HES1: variants seen among roughly 807,000 people sequenced by gnomAD.
HES1 encodes transcription factor HES-1.
In HES1, 7 loss-of-function variants were observed where a neutral mutation model predicts 21.0. That is an observed-to-expected ratio of 0.33 (90% confidence interval 0.19 to 0.63). The LOEUF (loss-of-function observed/expected upper bound fraction) is 0.63, where lower values mean the gene tolerates loss of function less well. Among genes scored for constraint, HES1 ranks in the 20% least tolerant of loss-of-function variants. The pLI, the probability that HES1 is intolerant of heterozygous loss-of-function variation, is 0.78. For missense variants in HES1, 338 were observed against 389.8 expected (o/e 0.87, Z 1.12); for synonymous variants, 169 against 171.2 (o/e 0.99, Z 0.10).
chr3:194,137,019 T>A lies in HES1; in HGVS notation c.263T>A (p.Leu88His), dbSNP rs1292821922. Residue 88 changes from leucine (L) to histidine (H), a missense_variant, in exon 3 of 4, where the codon CTC becomes CAC. By Grantham distance (99) the Leu-to-His change is moderately conservative (BLOSUM62 -3). Coordinates refer to ENST00000232424, the MANE Select transcript of HES1 (RefSeq NM_005524.4). The surrounding 1 kb of genome is among the most constrained non-coding windows in gnomAD (Gnocchi z 5.4). Reference protein sequence around the residue: ...ADILEMTVKHLRNLQRAQMTA... With the variant: ...ADILEMTVKHHRNLQRAQMTA... ...ATTCTGGAAATGACAGTGAAGCACCTCCGGAACCTGCAGCGGGCGCAGATG... is the reference window on the plus strand; with the variant it reads ...ATTCTGGAAATGACAGTGAAGCACCACCGGAACCTGCAGCGGGCGCAGATG... 1 of 1,614,208 alleles carries A rather than the reference T, an allele frequency of 6.2e-7. No individual in the cohort carries two copies. The highest frequency in any genetic ancestry group is 1.1e-5 in the South Asian group (1 of 91,088).
chr3:194,136,485 A>T lies in HES1; in HGVS notation c.105A>T (p.Arg35Ser). Residue 35 changes from arginine to serine, a missense_variant, in exon 1 of 4, where the codon AGA (arginine) becomes AGT (serine). Coordinates refer to ENST00000232424, the MANE Select transcript of HES1 (RefSeq NM_005524.4). ...PDKPKTASEHRKSSKPIMEKR... is the reference protein window; with the variant it reads ...PDKPKTASEHSKSSKPIMEKR... ...AACCAAAGACAGCATCTGAGCACAG[A>T]AAGGTAAGGGCGGTACCTGTATCTC... 6.2e-7 allele frequency: 1 copy of T among 1,607,292 alleles called. No individual in the cohort carries two copies. Among genetic ancestry groups the T allele is most frequent in the Admixed American group, 1.7e-5 (1 of 58,700 alleles).
Position 194,136,410 on chromosome 3 carries a change from C to T in HES1, c.30C>T (p.Ser10=), listed in dbSNP as rs1244151677. The change falls in exon 1 of 4, where the codon TCC becomes TCT. Residue 10 remains serine, a synonymous_variant. Transcript: ENST00000232424. ...CAGCTGATATAATGGAGAAAAATTCCTCGTCCCCGGTGGCTGCTACCCCAG... is the reference window on the plus strand; with the variant it reads ...CAGCTGATATAATGGAGAAAAATTCTTCGTCCCCGGTGGCTGCTACCCCAG... MPADIMEKN[S]SSPVAATPAS... is the part of the protein sequence containing the mutation. 4 of 1,602,762 alleles carry T rather than the reference C, an allele frequency of 2.5e-6. No individual in the cohort carries two copies. Among genetic ancestry groups the T allele is most frequent in the Non-Finnish European group, 3.4e-6 (4 of 1,175,738 alleles).
At chr3:194,136,926 G>A in intron 2 of HES1, 35 bp from the exon 3 acceptor site, 1 of 1,594,804 alleles carries the variant, frequency 6.3e-7, no homozygotes, top group Non-Finnish European at 8.6e-7. Context: ...CAGCTGACAC[G>A]GGGCTCACTT....
At position 194,138,249 on chromosome 3, in the gene HES1, C is replaced by G; in HGVS notation, c.*16C>G. ...GCGGAACTGAGGGGGCTCAGGCCAC[C>G]CCTCCTCCTAAACTCCCCAACCCAC... On this transcript the variant is annotated 3_prime_UTR_variant, in exon 4 of 4. Transcript: ENST00000232424. 6.5e-7 allele frequency: 1 copy of G among 1,531,944 alleles called. No homozygotes were observed. Among genetic ancestry groups the G allele is most frequent in the Non-Finnish European group, 8.8e-7 (1 of 1,139,908 alleles). The allele number at this position is 1,531,944 out of a possible 1,614,324, so 94.9% of individuals were successfully genotyped here. A position where few individuals can be genotyped will look rare whatever the true frequency, so the allele number is the denominator to read the frequency against.
Position 194,137,667 on chromosome 3 carries a change from T to C in HES1, c.293-16T>C. Reference sequence around the variant, plus strand: ...AGGGCCGTTCGGTGACCCGTCTGTCTCTTTCTGGCCCGCAGCTGCGCTGAG... The same window carrying C: ...AGGGCCGTTCGGTGACCCGTCTGTCCCTTTCTGGCCCGCAGCTGCGCTGAG... On this transcript the variant is annotated splice_polypyrimidine_tract_variant and intron_variant, in intron 3 of 3. Transcript: ENST00000232424. The surrounding 1 kb of genome is among the most constrained non-coding windows in gnomAD (Gnocchi z 5.4). The C allele has an allele frequency of 6.4e-7, 1 of 1,562,764 alleles. No homozygotes were observed. Among genetic ancestry groups the C allele is most frequent in the Non-Finnish European group, 8.7e-7 (1 of 1,149,990 alleles).
chr3:194,136,350 C>T lies in HES1; in HGVS notation c.-31C>T, dbSNP rs763999161. 2.3e-6 allele frequency: 3 copies of T among 1,285,092 alleles called. No homozygotes were observed. The highest frequency in any genetic ancestry group is 2.5e-5 in the Admixed American group (1 of 39,434). 79.6% of individuals were successfully genotyped at this position (1,285,092 alleles called of 1,614,324 possible). A position where few individuals can be genotyped will look rare whatever the true frequency, so the allele number is the denominator to read the frequency against. On this transcript the variant is annotated 5_prime_UTR_variant, in exon 1 of 4. Coordinates refer to ENST00000232424, the MANE Select transcript of HES1 (RefSeq NM_005524.4). The stretch of plus-strand genomic sequence containing the variant: ...CGTGAAGAACTCCAAAAATAAAATT[C>T]TCTAGAGATAAAAAAAAAAAAAAAA...
Position 194,138,200 on chromosome 3 carries a change from G to A in HES1, c.810G>A (p.Thr270=). ...CACCTTCCAGCGGCCCCTCGCTTACGGCGGACTCCATGTGGAGGCCGTGGC... is the reference window on the plus strand; with the variant it reads ...CACCTTCCAGCGGCCCCTCGCTTACAGCGGACTCCATGTGGAGGCCGTGGC... ...AVSPSSGPSL[T]ADSMWRPWRN Residue 270 remains threonine, a synonymous_variant, in exon 4 of 4, where the codon ACG becomes ACA. Coordinates refer to ENST00000232424, the MANE Select transcript of HES1 (RefSeq NM_005524.4). 3 of 1,594,216 alleles carry A rather than the reference G, an allele frequency of 1.9e-6. No individual in the cohort carries two copies. Among genetic ancestry groups the A allele is most frequent in the Non-Finnish European group, 2.6e-6 (3 of 1,171,536 alleles).
intron 1 of HES1, 63 bp from the exon 2 acceptor site, chr3:194,136,554 C>A: frequency 6.4e-7 from 1 of 1,563,104 alleles, no homozygotes; most frequent in Non-Finnish European, 8.7e-7. Context: ...GGGCTTCTTT[C>A]TGTCTTGAAA....
Position 194,138,418 on chromosome 3 carries a change from C to G in HES1, c.*185C>G, listed in dbSNP as rs1715401979. On this transcript the variant is annotated 3_prime_UTR_variant, in exon 4 of 4. Transcript: ENST00000232424. ...GCTGTATTAAGTGACTGACCATGCA[C>G]TATATTTGTATATATTTTATATGTT... The G allele has an allele frequency of 2.1e-6, 1 of 468,156 alleles. No individual in the cohort carries two copies. The highest frequency in any genetic ancestry group is 4.3e-5 in the Admixed American group (1 of 23,468). The allele number at this position is 468,156 out of a possible 1,614,324, so 29.0% of individuals were successfully genotyped here.
rs983162843 is a variant in HES1, at chr3:194,138,434, T to C, written c.*201T>C. ...GACCATGCACTATATTTGTATATATTTTATATGTTCATATTGGATTGCGCC... is the reference window on the plus strand; with the variant it reads ...GACCATGCACTATATTTGTATATATCTTATATGTTCATATTGGATTGCGCC... On this transcript the variant is annotated 3_prime_UTR_variant, in exon 4 of 4. Transcript: ENST00000232424. The C allele has an allele frequency of 3.5e-5, 15 of 429,146 alleles. No individual in the cohort carries two copies. Among genetic ancestry groups the C allele is most frequent in the Non-Finnish European group, 4.8e-5 (12 of 252,422 alleles). The allele number at this position is 429,146 out of a possible 1,614,324, so 26.6% of individuals were successfully genotyped here.
In HES1 at chr3:194,137,907, C is replaced by A. The variant is rs1305411408; in HGVS notation, c.517C>A (p.Pro173Thr). 7.0e-7 allele frequency: 1 copy of A among 1,428,444 alleles called. No homozygotes were observed. The highest frequency in any genetic ancestry group is 2.8e-5 in the East Asian group (1 of 36,350). The allele number at this position is 1,428,444 out of a possible 1,614,324, so 88.5% of individuals were successfully genotyped here. The change falls in exon 4 of 4, where the codon CCC (proline) becomes ACC (threonine). Residue 173 changes from proline (P) to threonine (T), a missense_variant. Pro to Thr is a conservative substitution (Grantham distance 38, BLOSUM62 -1). Transcript: ENST00000232424. This position sits in a 1 kb window ranked among gnomAD's most constrained non-coding sequence, Gnocchi z 5.4. ...LQAPPPPPPG[P>T]GGPQHAPFAP... ...GGCGCCGCCACCGCCCCCACCGGGA[C>A]CCGGCGGCCCCCAGCACGCGCCGTT... is the stretch of plus-strand genomic sequence containing the variant.
In HES1 at chr3:194,137,899, C is replaced by A; in HGVS notation, c.509C>A (p.Pro170Gln). ...HPALQAPPPPPPGPGGPQHAP... is the reference protein window; with the variant it reads ...HPALQAPPPPQPGPGGPQHAP... ...GCCTTGCAGGCGCCGCCACCGCCCCCACCGGGACCCGGCGGCCCCCAGCAC... is the reference window on the plus strand; with the variant it reads ...GCCTTGCAGGCGCCGCCACCGCCCCAACCGGGACCCGGCGGCCCCCAGCAC... The change falls in exon 4 of 4, where the codon CCA becomes CAA. Residue 170 changes from proline (P) to glutamine (Q), a missense_variant. By Grantham distance (76) the Pro-to-Gln change is moderately conservative (BLOSUM62 -1). Transcript: ENST00000232424. The surrounding 1 kb of genome is among the most constrained non-coding windows in gnomAD (Gnocchi z 5.4). 1 of 1,466,196 alleles carries A rather than the reference C, an allele frequency of 6.8e-7. No homozygotes were observed. Among genetic ancestry groups the A allele is most frequent in the Non-Finnish European group, 9.1e-7 (1 of 1,100,706 alleles). The allele number at this position is 1,466,196 out of a possible 1,614,324, so 90.8% of individuals were successfully genotyped here.
chr3:194,136,395 A>G lies in HES1; in HGVS notation c.15A>G (p.Ile5Met), dbSNP rs1041842810. ...AAAAAAGGAAAATGCCAGCTGATAT[A>G]ATGGAGAAAAATTCCTCGTCCCCGG... MPADIMEKNSSSPVA... is the reference protein window; with the variant it reads MPADMMEKNSSSPVA... The change falls in exon 1 of 4, where the codon ATA becomes ATG. Residue 5 changes from isoleucine (I) to methionine (M), a missense_variant. Coordinates refer to ENST00000232424, the MANE Select transcript of HES1 (RefSeq NM_005524.4). 1 of 1,596,968 alleles carries G rather than the reference A, an allele frequency of 6.3e-7. No individual in the cohort carries two copies. The highest frequency in any genetic ancestry group is 8.5e-7 in the Non-Finnish European group (1 of 1,172,890).
Position 194,136,222 on chromosome 3 carries a change from T to C in HES1, c.-159T>C, listed in dbSNP as rs528366677. ...TCTCTCCTTGGTCCTGGAACAGCGCTACTGATCACCAAGTAGCCACAAAAT... is the reference window on the plus strand; with the variant it reads ...TCTCTCCTTGGTCCTGGAACAGCGCCACTGATCACCAAGTAGCCACAAAAT... On this transcript the variant is annotated 5_prime_UTR_variant, in exon 1 of 4. Transcript: ENST00000232424. 8.3e-4 allele frequency: 499 copies of C among 603,246 alleles called. No individual in the cohort carries two copies. The highest frequency in any genetic ancestry group is 1.4e-3 in the Non-Finnish European group (455 of 335,960). The allele number at this position is 603,246 out of a possible 1,614,324, so 37.4% of individuals were successfully genotyped here. A position where few individuals can be genotyped will look rare whatever the true frequency, so the allele number is the denominator to read the frequency against.
Position 194,136,991 on chromosome 3 carries a change from G to A in HES1, c.235G>A (p.Asp79Asn), listed in dbSNP as rs1367130317. The A allele has an allele frequency of 6.2e-7, 1 of 1,614,256 alleles. No homozygotes were observed. Among genetic ancestry groups the A allele is most frequent in the Non-Finnish European group, 8.5e-7 (1 of 1,180,050 alleles). ...SSRHSKLEKADILEMTVKHLR... is the reference protein window; with the variant it reads ...SSRHSKLEKANILEMTVKHLR... ...GCGGCATTCCAAGCTGGAGAAGGCG[G>A]ACATTCTGGAAATGACAGTGAAGCA... is the stretch of plus-strand genomic sequence containing the variant. The change falls in exon 3 of 4, where the codon GAC becomes AAC. Residue 79 changes from aspartate (D) to asparagine (N), a missense_variant. By Grantham distance (23) the Asp-to-Asn change is conservative. Coordinates refer to ENST00000232424, the MANE Select transcript of HES1 (RefSeq NM_005524.4).
Position 194,136,225 on chromosome 3 carries a change from T to TAGTA in HES1, c.-156_-155insAGTA. 2 of 605,658 alleles carry TAGTA rather than the reference T, an allele frequency of 3.3e-6. No individual in the cohort carries two copies. Among genetic ancestry groups the TAGTA allele is most frequent in the Non-Finnish European group, 5.9e-6 (2 of 337,718 alleles). The allele number at this position is 605,658 out of a possible 1,614,324, so 37.5% of individuals were successfully genotyped here. On this transcript the variant is annotated 5_prime_UTR_variant, in exon 1 of 4. Coordinates refer to ENST00000232424, the MANE Select transcript of HES1 (RefSeq NM_005524.4). ...CTCCTTGGTCCTGGAACAGCGCTAC[T>TAGTA]GATCACCAAGTAGCCACAAAATATA...
chr3:194,137,265 G>A lies in HES1; in HGVS notation c.292+217G>A. ...GAAAGAGGTTGCAGCCGCGAGGGTG[G>A]CGGGCGCCGGGTAGGGGCGAAAGGA... On this transcript the variant is annotated intron_variant, in intron 3 of 3. Coordinates refer to ENST00000232424, the MANE Select transcript of HES1 (RefSeq NM_005524.4). The surrounding 1 kb of genome is among the most constrained non-coding windows in gnomAD (Gnocchi z 5.4). The A allele has an allele frequency of 1.6e-6, 1 of 612,498 alleles. No individual in the cohort carries two copies. The highest frequency in any genetic ancestry group is 2.9e-6 in the Non-Finnish European group (1 of 346,288). 37.9% of individuals were successfully genotyped at this position (612,498 alleles called of 1,614,324 possible).
chr3:194,137,368 AAATG>A lies in HES1; in HGVS notation c.293-313_293-310del. The stretch of plus-strand genomic sequence containing the variant: ...GCACTCCTTCCCGTTGCAGAAGGGG[AAATG>A]AGGCTTGGATGATGGATTGGGAGGC... On this transcript the variant is annotated intron_variant, in intron 3 of 3. Coordinates refer to ENST00000232424, the MANE Select transcript of HES1 (RefSeq NM_005524.4). The surrounding 1 kb of genome is among the most constrained non-coding windows in gnomAD (Gnocchi z 5.4). 1.8e-6 allele frequency: 1 copy of A among 569,588 alleles called. No homozygotes were observed. The highest frequency in any genetic ancestry group is 3.1e-6 in the Non-Finnish European group (1 of 319,272). The allele number at this position is 569,588 out of a possible 1,614,324, so 35.3% of individuals were successfully genotyped here. A position where few individuals can be genotyped will look rare whatever the true frequency, so the allele number is the denominator to read the frequency against.
Position 194,138,194 on chromosome 3 carries a change from G to T in HES1, c.804G>T (p.Ser268=), listed in dbSNP as rs1235122504. ...CAGTGTCACCTTCCAGCGGCCCCTC[G>T]CTTACGGCGGACTCCATGTGGAGGC... is the stretch of plus-strand genomic sequence containing the variant. ...PNAVSPSSGP[S]LTADSMWRPW... The change falls in exon 4 of 4, where the codon TCG becomes TCT. Residue 268 remains serine (S), a synonymous_variant. Coordinates refer to ENST00000232424, the MANE Select transcript of HES1 (RefSeq NM_005524.4). 1.8e-5 allele frequency: 29 copies of T among 1,596,090 alleles called. No homozygotes were observed. The highest frequency in any genetic ancestry group is 2.5e-5 in the Non-Finnish European group (29 of 1,172,496).
Sources: gnomAD v4.1 joint callset for allele counts on GRCh38, gnomAD v4.1.1 for gene constraint, Gnocchi (gnomAD v3.1) non-coding constraint, MANE v1.5 for transcripts, NCBI Gene and HGNC (gene_info 2026-07-23, HGNC 2026-07-21) for gene names.